Variants in GABBR2 observed in about 807,000 individuals in gnomAD.
GABBR2 encodes gamma-aminobutyric acid type B receptor subunit 2, also known as G-protein coupled receptor 51.
Under a neutral mutation model 105.6 loss-of-function variants are expected in GABBR2, and 23 were observed. The ratio of observed to expected loss-of-function variants is 0.22; its 90% CI spans 0.16 to 0.31. The LOEUF is 0.31. Among genes scored for constraint, GABBR2 ranks in the 10% least tolerant of loss-of-function variants. The pLI is 1.00. For missense variants in GABBR2, 734 were observed against 1,245.5 expected, an observed-to-expected ratio of 0.59 and a Z score of 6.18; for synonymous variants, 478 against 499.7, an observed-to-expected ratio of 0.96 and a Z score of 0.58.
intron 11 of GABBR2, among the ~76,000 whole-genome samples, chr9:98,382,933 C>T (rs2131483467): frequency 6.6e-6 from 1 of 152,142 alleles, no homozygotes; most frequent in South Asian, 2.1e-4. Flanking sequence ...TGCCAGAAGG[C>T]CACCCTTGTT....
At chr9:98,609,442 T>C (rs1166112790) in intron 1 of GABBR2, among the ~76,000 whole-genome samples, 4 of 152,296 alleles carry the variant, frequency 2.6e-5, no homozygotes, top group African/African-American at 4.8e-5. Flanking sequence ...ATCCAAAGCA[T>C]GCCCATATTT....
At chr9:98,645,947 A>G (rs375747707) in intron 1 of GABBR2, among the ~76,000 whole-genome samples, 3 of 152,310 alleles carry the variant, frequency 2.0e-5, no homozygotes, top group African/African-American at 7.2e-5. Context: ...AAGCACACAA[A>G]GTGTAAATAA....
chr9:98,398,064 A>G (rs1206138778), intron 8 of GABBR2, among the ~76,000 whole-genome samples: 6 of 151,976 alleles, frequency 3.9e-5, no homozygotes, highest in Admixed American at 3.9e-4. Context: ...AACAAGGTCA[A>G]CCGGTCTATA....
chr9:98,503,967 A>C (rs1278919081), intron 3 of GABBR2, among the ~76,000 whole-genome samples: 1 of 152,082 alleles, frequency 6.6e-6, no homozygotes, highest in East Asian at 1.9e-4. Context: ...GTGGCTACTG[A>C]TTGGGGTAAG....
At chr9:98,600,371 A>G (rs985136420) in intron 1 of GABBR2, among the ~76,000 whole-genome samples, 2 of 151,980 alleles carry the variant, frequency 1.3e-5, no homozygotes, top group Non-Finnish European at 2.9e-5. Flanking sequence ...ATGACCCCAA[A>G]TCCCAACCTC....
chr9:98,412,387 G>A (rs1295597580), intron 7 of GABBR2, among the ~76,000 whole-genome samples: 2 of 152,182 alleles, frequency 1.3e-5, no homozygotes, highest in African/African-American at 2.4e-5. Context: ...CCGGGTTGTC[G>A]AGTGTGCCTT....
intron 3 of GABBR2, among the ~76,000 whole-genome samples, chr9:98,504,897 T>G: frequency 6.6e-6 from 1 of 152,072 alleles, no homozygotes; most frequent in East Asian, 1.9e-4. Context: ...GGGCTGGAGC[T>G]CCCCAGGAAC....
chr9:98,377,129 C>A (rs955150873), intron 11 of GABBR2, among the ~76,000 whole-genome samples: 3 of 151,650 alleles, frequency 2.0e-5, no homozygotes, highest in East Asian at 3.9e-4. Flanking sequence ...GAGCAAGAGG[C>A]CTTTCTTCCT....
intron 1 of GABBR2, among the ~76,000 whole-genome samples, chr9:98,702,507 T>C (rs1195981365): frequency 6.6e-6 from 1 of 152,154 alleles, no homozygotes; most frequent in Non-Finnish European, 1.5e-5. Context: ...ACACCCATGT[T>C]CAAAGACATC....
chr9:98,300,438 C>T (rs927317908), intron 16 of GABBR2, among the ~76,000 whole-genome samples: 1 of 152,184 alleles, frequency 6.6e-6, no homozygotes, highest in Non-Finnish European at 1.5e-5. Context: ...AGCCACAGCA[C>T]CTGGCCCATT....
chr9:98,700,528 TC>T (rs1469670105), intron 1 of GABBR2, among the ~76,000 whole-genome samples: 1 of 152,168 alleles, frequency 6.6e-6, no homozygotes, highest in African/African-American at 2.4e-5. Flanking sequence ...CCCGTCTCCT[TC>T]CACAGGTGTC....
At chr9:98,435,122 C>A (rs967569876) in intron 7 of GABBR2, among the ~76,000 whole-genome samples, 2 of 152,216 alleles carry the variant, frequency 1.3e-5, no homozygotes, top group African/African-American at 2.4e-5. Flanking sequence ...GCCAAACATC[C>A]TTCTGGACCT....
At chr9:98,517,048 G>A (rs867562869) in intron 3 of GABBR2, among the ~76,000 whole-genome samples, 1 of 152,106 alleles carries the variant, frequency 6.6e-6, no homozygotes, top group South Asian at 2.1e-4. Context: ...TGTTCCTAAG[G>A]GCCCTCTGAT....
intron 3 of GABBR2, chr9:98,538,490 G>T: frequency 2.6e-6 from 1 of 384,822 alleles, no homozygotes; most frequent in Non-Finnish European, 3.6e-6. Context: ...AGTGGGCCTA[G>T]AGATCAGTAC....
At chr9:98,595,206 G>T (rs979397830) in intron 1 of GABBR2, among the ~76,000 whole-genome samples, 1 of 152,060 alleles carries the variant, frequency 6.6e-6, no homozygotes, top group African/African-American at 2.4e-5. Context: ...GCGCCTTCTG[G>T]CTGGGTCCTC....
At chr9:98,624,524 G>A (rs890619381) in intron 1 of GABBR2, among the ~76,000 whole-genome samples, 1 of 152,234 alleles carries the variant, frequency 6.6e-6, no homozygotes, top group Non-Finnish European at 1.5e-5. Context: ...GTGGGCGGGT[G>A]GTTGTAACAA....
At chr9:98,597,622 A>T (rs147044334) in intron 1 of GABBR2, among the ~76,000 whole-genome samples, 2 of 152,200 alleles carry the variant, frequency 1.3e-5, no homozygotes, top group Non-Finnish European at 2.9e-5. Flanking sequence ...TGGTGGTTGG[A>T]GGGCTCAAGG....
At chr9:98,556,795 A>G (rs1588227396) in intron 2 of GABBR2, among the ~76,000 whole-genome samples, 1 of 152,218 alleles carries the variant, frequency 6.6e-6, no homozygotes, top group Non-Finnish European at 1.5e-5. Flanking sequence ...CCTGAATCCC[A>G]GCACTTTGGG....
At position 98,521,574 on chromosome 9, in the gene GABBR2, A is replaced by G. The variant is rs539505455; in HGVS notation, c.630+20299T>C. Among the ~76,000 whole-genome samples, 316 of 152,336 alleles carry G rather than the reference A, an allele frequency of 2.1e-3. 4 individuals are homozygous for G. The highest frequency in any genetic ancestry group is 6.9e-3 in the African/African-American group (287 of 41,578). On this transcript the variant is annotated intron_variant, in intron 3 of 18. Transcript: ENST00000259455. ...ACACAGCAGGCAAGTAAACAAAGTC[A>G]GAGGCCAGGGGGATCTCTGCACATC...
Sources: gnomAD v4.1 joint callset for allele counts (sites outside exome capture counted in the v4.1 genomes callset) on GRCh38, gnomAD v4.1.1 for gene constraint, MANE v1.5 for transcripts, NCBI Gene and HGNC (gene_info 2026-07-23, HGNC 2026-07-21) for gene names.